The following SYTL3 variants were observed in gnomAD, a reference collection of about 807,000 sequenced individuals.
SYTL3 encodes the protein synaptotagmin-like protein 3.
A neutral mutation model predicts 82.1 loss-of-function variants in SYTL3; 88 were observed. The ratio of observed to expected loss-of-function variants is 1.07; its 90% CI spans 0.90 to 1.28. SYTL3 has a LOEUF of 1.28. Ranked by LOEUF, SYTL3 falls within the 50% of genes most tolerant of loss-of-function variation. The pLI is 0.00. For synonymous variants in SYTL3, 311 were observed against 289.4 expected (o/e 1.07, Z -0.76); for missense variants, 831 against 757.6 (o/e 1.10, Z -1.14).
At chr6:158,682,549 C>T (rs1429285626) in intron 5 of SYTL3, among the ~76,000 whole-genome samples, 5 of 151,636 alleles carry the variant, frequency 3.3e-5, no homozygotes, top group African/African-American at 9.7e-5. Context: ...TTAGTACAGA[C>T]GGGGTTTCAC....
chr6:158,759,286 C>T (rs1374971410), intron 14 of SYTL3, among the ~76,000 whole-genome samples: 8 of 152,328 alleles, frequency 5.3e-5, no homozygotes, highest in Middle Eastern at 3.4e-3. Flanking sequence ...GTGGGGAGTC[C>T]GCCCACAGAC....
In SYTL3 at chr6:158,763,320, G is replaced by C. The variant is rs150920109; in HGVS notation, c.1534G>C (p.Asp512His). ...SFVKGCLTLP[D>H]QQKLRLKSPV... is the part of the protein sequence containing the mutation. ...CCTCTTCAGCTGTCTCACTCTGCCAGACCAACAAAAACTGAGACTGAAGTC... is the reference window on the plus strand; with the variant it reads ...CCTCTTCAGCTGTCTCACTCTGCCACACCAACAAAAACTGAGACTGAAGTC... Residue 512 changes from aspartate (D) to histidine (H), a missense_variant, in exon 17 of 18, where the codon GAC (aspartate) becomes CAC (histidine). Physicochemically the swap from Asp to His is moderately conservative, Grantham distance 81. Coordinates refer to ENST00000611299, the MANE Select transcript of SYTL3 (RefSeq NM_001242394.2). The C allele has an allele frequency of 3.7e-5, 59 of 1,614,062 alleles. No individual in the cohort carries two copies. The highest frequency in any genetic ancestry group is 4.7e-5 in the Non-Finnish European group (56 of 1,180,048).
intron 6 of SYTL3, among the ~76,000 whole-genome samples, chr6:158,704,759 G>C (rs1206824600): frequency 6.6e-6 from 1 of 152,284 alleles, no homozygotes; most frequent in Non-Finnish European, 1.5e-5. Context: ...CTCTAAGAGG[G>C]ATGTGGCTTT....
intron 5 of SYTL3, among the ~76,000 whole-genome samples, chr6:158,680,093 T>G (rs1778492332): frequency 6.6e-6 from 1 of 152,200 alleles, no homozygotes; most frequent in South Asian, 2.1e-4. Flanking sequence ...TTGGATTTGC[T>G]TTCTGTCCCC....
chr6:158,722,146 TTTTTG>T, intron 10 of SYTL3, among the ~76,000 whole-genome samples: 2 of 133,504 alleles, frequency 1.5e-5, no homozygotes, highest in Admixed American at 1.4e-4. Flanking sequence ...TAACTTTCTT[TTTTTG>T]TTTGTTTGTT....
intron 5 of SYTL3, among the ~76,000 whole-genome samples, chr6:158,667,941 G>A (rs1038591194): frequency 1.3e-5 from 2 of 152,200 alleles, no homozygotes; most frequent in African/African-American, 4.8e-5. Context: ...AGGGAGAGAT[G>A]AGGCAGGCTG....
intron 5 of SYTL3, 90 bp downstream of exon 5, chr6:158,665,703 C>T: frequency 1.0e-6 from 1 of 954,498 alleles, no homozygotes; most frequent in Non-Finnish European, 1.6e-6. Flanking sequence ...AGCACTCACT[C>T]CTCACCTTCA....
At chr6:158,649,344 G>T (rs1048745530), upstream of SYTL3, among the ~76,000 whole-genome samples, 5 of 152,234 alleles carry the variant, frequency 3.3e-5, no homozygotes, top group African/African-American at 1.2e-4. Flanking sequence ...TCTTCTCCAT[G>T]CTGAGACGAG....
chr6:158,661,459 T>C (rs1789368301), intron 3 of SYTL3, 74 bp downstream of exon 3: 1 of 152,236 alleles, frequency 6.6e-6, no homozygotes, highest in East Asian at 1.9e-4. Flanking sequence ...GAACAGGTCT[T>C]GTGGGTGCTT....
intron 5 of SYTL3, among the ~76,000 whole-genome samples, chr6:158,674,482 C>T (rs1214114345): frequency 2.0e-5 from 3 of 152,196 alleles, no homozygotes; most frequent in Non-Finnish European, 2.9e-5. Flanking sequence ...ACTCCATGTA[C>T]CCTGACTATG....
chr6:158,668,993 G>A (rs1047917500), intron 5 of SYTL3, among the ~76,000 whole-genome samples: 1 of 152,192 alleles, frequency 6.6e-6, no homozygotes, highest in African/African-American at 2.4e-5. Context: ...AGCAGGGGCC[G>A]ATCAGAAGAG....
intron 5 of SYTL3, among the ~76,000 whole-genome samples, chr6:158,680,405 T>C (rs1778529109): frequency 6.6e-6 from 1 of 152,136 alleles, no homozygotes; most frequent in Non-Finnish European, 1.5e-5. Context: ...TTGTACACTT[T>C]ATATATTTTT....
At chr6:158,705,128 G>C (rs1781883327) in intron 6 of SYTL3, among the ~76,000 whole-genome samples, 2 of 65,604 alleles carry the variant, frequency 3.0e-5, no homozygotes, top group Admixed American at 2.6e-4. Flanking sequence ...CAGGGTGACA[G>C]TGAGGGCTGT....
chr6:158,715,706 G>A (rs56356835), intron 9 of SYTL3, among the ~76,000 whole-genome samples: 23,154 of 144,262 alleles, frequency 0.16, 3,095 homozygotes, highest in African/African-American at 0.37. Context: ...TGGCTGCTGG[G>A]AGTGGTGCTT....
intron 5 of SYTL3, among the ~76,000 whole-genome samples, chr6:158,681,914 C>T (rs1192959802): frequency 1.3e-5 from 2 of 152,174 alleles, no homozygotes; most frequent in Non-Finnish European, 2.9e-5. Context: ...CCAAGAGCGT[C>T]CCACAGTTGA....
At chr6:158,680,389 T>C (rs917534593) in intron 5 of SYTL3, among the ~76,000 whole-genome samples, 1 of 152,134 alleles carries the variant, frequency 6.6e-6, no homozygotes, top group Non-Finnish European at 1.5e-5. Flanking sequence ...TAGAGACATA[T>C]CACAGTTGTA....
At chr6:158,677,054 G>A (rs1411217014) in intron 5 of SYTL3, among the ~76,000 whole-genome samples, 1 of 152,090 alleles carries the variant, frequency 6.6e-6, no homozygotes. Flanking sequence ...TCCCATTACT[G>A]GATATATACC....
rs369289136 is a variant in SYTL3 at position 158,707,884 on chromosome 6, T to A, written c.447-438T>A. ...AGACTTTTTCATTTTTTTCCTCCCC[T>A]GTTCTTTCCCATTTCTTTTAGCACA... On this transcript the variant is annotated intron_variant, in intron 7 of 17. Transcript: ENST00000611299. 4.3e-4 allele frequency among the ~76,000 whole-genome samples: 65 copies of A among 152,362 alleles called. 1 individual carries two copies. Among genetic ancestry groups the A allele is most frequent in the African/African-American group, 1.5e-3 (64 of 41,594 alleles).
intron 12 of SYTL3, among the ~76,000 whole-genome samples, chr6:158,746,454 TA>T (rs1562455739): frequency 7.1e-4 from 62 of 87,738 alleles, no homozygotes; most frequent in African/African-American, 2.1e-3. Context: ...ATAATAATAA[TA>T]ATAATATTAT....
Sources: allele counts gnomAD v4.1 joint callset (sites outside exome capture counted in the v4.1 genomes callset), GRCh38; gene constraint gnomAD v4.1.1; transcripts MANE v1.5; gene names NCBI Gene and HGNC (gene_info 2026-07-23, HGNC 2026-07-21).